The following FOCAD variants were observed in gnomAD, a reference collection of about 807,000 sequenced individuals.
FOCAD encodes the protein KIAA1797.
Under a neutral mutation model 225.6 loss-of-function variants are expected in FOCAD, and 198 were observed. The observed-to-expected ratio is 0.88, with a 90% CI of 0.78 to 0.99. The LOEUF (loss-of-function observed/expected upper bound fraction) is 0.99. Among genes scored for constraint, FOCAD ranks in the 50% least tolerant of loss-of-function variants. The pLI, the probability that FOCAD is intolerant of heterozygous loss-of-function variation, is 0.00. For synonymous variants in FOCAD, 897 were observed against 755.0 expected, an observed-to-expected ratio of 1.19 and a Z score of -3.08; for missense variants, 2,713 against 2,123.6, an observed-to-expected ratio of 1.28 and a Z score of -5.46.
At chr9:20,887,267 C>T (rs1831176771) in intron 21 of FOCAD, among the ~76,000 whole-genome samples, 1 of 151,448 alleles carries the variant, frequency 6.6e-6, no homozygotes, top group African/African-American at 2.4e-5. Context: ...TGAAGTCTCA[C>T]TCTGCTGTCC....
chr9:20,882,477 A>G (rs986343219), intron 20 of FOCAD, among the ~76,000 whole-genome samples: 1 of 152,242 alleles, frequency 6.6e-6, no homozygotes, highest in African/African-American at 2.4e-5. Context: ...GCAAAGTGAA[A>G]TCCCTTTTAG....
chr9:20,811,251 C>T (rs1202602516), intron 11 of FOCAD, among the ~76,000 whole-genome samples: 1 of 151,992 alleles, frequency 6.6e-6, no homozygotes, highest in Non-Finnish European at 1.5e-5. Flanking sequence ...GTGGCAAGTA[C>T]ATGGGTTTTA....
chr9:20,661,107 A>C (rs1821704847), intron 2 of FOCAD, among the ~76,000 whole-genome samples: 1 of 152,206 alleles, frequency 6.6e-6, no homozygotes, highest in South Asian at 2.1e-4. Context: ...GAGGCTGTGG[A>C]GATGTTTGGC....
At chr9:20,679,121 A>ATGTGTATGTGTGTGTG (rs1822321462) in intron 2 of FOCAD, among the ~76,000 whole-genome samples, 1 of 121,942 alleles carries the variant, frequency 8.2e-6, no homozygotes, top group Non-Finnish European at 1.7e-5. Flanking sequence ...CAGTCTGTGT[A>ATGTGTATGTGTGTGTG]TGTGTGTGTG....
At chr9:20,753,095 T>A (rs933737268) in intron 5 of FOCAD, among the ~76,000 whole-genome samples, 5 of 152,202 alleles carry the variant, frequency 3.3e-5, no homozygotes, top group Non-Finnish European at 7.3e-5. Flanking sequence ...TACAATCATG[T>A]TGTCTGCAAA....
chr9:20,674,823 A>G (rs996279006), intron 2 of FOCAD, among the ~76,000 whole-genome samples: 7 of 152,220 alleles, frequency 4.6e-5, no homozygotes, highest in Non-Finnish European at 7.3e-5. Flanking sequence ...CTTCTGCCCC[A>G]TGGTTATAAG....
Position 20,951,115 on chromosome 9 carries a change from A to G in FOCAD, c.4051+17A>G. 2 of 1,590,646 alleles carry G rather than the reference A, an allele frequency of 1.3e-6. No individual in the cohort carries two copies. Among genetic ancestry groups the G allele is most frequent in the Non-Finnish European group, 1.7e-6 (2 of 1,158,866 alleles). ...GAGCCTCTGGTAAGATTAAAGTCATAAAATACTGGAGCTGGAAGGGAGGGA... is the reference window on the plus strand; with the variant it reads ...GAGCCTCTGGTAAGATTAAAGTCATGAAATACTGGAGCTGGAAGGGAGGGA... On this transcript the variant is annotated intron_variant, in intron 34 of 43. Transcript: ENST00000338382.
rs1348622253 is a variant in FOCAD at position 20,865,973 on chromosome 9, C to T, written c.2103C>T (p.Asn701=). The T allele has an allele frequency of 1.2e-6, 2 of 1,606,754 alleles. No homozygotes were observed. Among genetic ancestry groups the T allele is most frequent in the Non-Finnish European group, 1.7e-6 (2 of 1,176,650 alleles). The change falls in exon 17 of 44, where the codon AAC becomes AAT. Residue 701 remains asparagine, a synonymous_variant. Transcript: ENST00000338382. ...GCTTCCTCTGGACTCATACTCAAAACAAGGTACTATCACAAGGCTTGTCAG... is the reference window on the plus strand; with the variant it reads ...GCTTCCTCTGGACTCATACTCAAAATAAGGTACTATCACAAGGCTTGTCAG... The part of the protein sequence containing the change: ...VLSFLWTHTQ[N]KDPIVANAAY...
chr9:20,818,284 T>C (rs964475491), intron 11 of FOCAD, among the ~76,000 whole-genome samples: 4 of 152,128 alleles, frequency 2.6e-5, no homozygotes, highest in Admixed American at 1.3e-4. Flanking sequence ...AATCTCTTAT[T>C]AGCTATATGG....
At chr9:20,951,740 A>T (rs766159081) in intron 34 of FOCAD, among the ~76,000 whole-genome samples, 5 of 152,190 alleles carry the variant, frequency 3.3e-5, no homozygotes, top group Non-Finnish European at 7.4e-5. Flanking sequence ...CAGTCCCGAC[A>T]TGCTTAATGT....
At chr9:20,945,268 A>G (rs574160696) in intron 29 of FOCAD, among the ~76,000 whole-genome samples, 17 of 152,318 alleles carry the variant, frequency 1.1e-4, no homozygotes, top group Admixed American at 5.2e-4. Context: ...GCAGAATTGG[A>G]GTTCATGTGA....
At chr9:20,920,045 A>G (rs1834249366) in intron 24 of FOCAD, among the ~76,000 whole-genome samples, 1 of 152,106 alleles carries the variant, frequency 6.6e-6, no homozygotes, top group Non-Finnish European at 1.5e-5. Context: ...ATGGGAGAAA[A>G]TTTTCTCAAC....
At chr9:20,771,603 A>G (rs1195299386) in intron 8 of FOCAD, among the ~76,000 whole-genome samples, 2 of 152,196 alleles carry the variant, frequency 1.3e-5, no homozygotes, top group Non-Finnish European at 2.9e-5. Context: ...TACTAAAAAT[A>G]CAAAAAATTA....
intron 3 of FOCAD, among the ~76,000 whole-genome samples, chr9:20,719,563 C>G (rs1265471063): frequency 6.6e-6 from 1 of 151,842 alleles, no homozygotes; most frequent in Non-Finnish European, 1.5e-5. Flanking sequence ...GCAATATAGT[C>G]ATATAGGTTT....
chr9:20,890,208 T>C (rs1023740374), intron 21 of FOCAD, among the ~76,000 whole-genome samples: 11 of 152,018 alleles, frequency 7.2e-5, no homozygotes, highest in African/African-American at 2.7e-4. Flanking sequence ...AGGGCCATCA[T>C]TACAGTGTTG....
chr9:20,982,518 G>T, intron 39 of FOCAD, 72 bp downstream of exon 39: 1 of 1,267,530 alleles, frequency 7.9e-7, no homozygotes. Context: ...TGATTTCAGT[G>T]TTTGGCTGAA....
At chr9:20,823,256 C>A in intron 15 of FOCAD, 141 bp downstream of exon 15, 1 of 900,064 alleles carries the variant, frequency 1.1e-6, no homozygotes, top group Non-Finnish European at 1.6e-6. Flanking sequence ...AAAAGTGAAG[C>A]AAGACCTACT....
intron 1 of FOCAD, among the ~76,000 whole-genome samples, chr9:20,705,725 G>GA (rs924863199): frequency 1.3e-4 from 19 of 145,804 alleles, no homozygotes; most frequent in Admixed American, 3.4e-4. Flanking sequence ...TATAATATTG[G>GA]AAAAAAAAAA....
At chr9:20,888,305 AT>A (rs1372178576) in intron 21 of FOCAD, among the ~76,000 whole-genome samples, 1 of 151,500 alleles carries the variant, frequency 6.6e-6, no homozygotes, top group Non-Finnish European at 1.5e-5. Flanking sequence ...TGCCCGGCTA[AT>A]TTTTGTATTT....
Sources: gnomAD v4.1 joint callset for allele counts (sites outside exome capture counted in the v4.1 genomes callset) on GRCh38, gnomAD v4.1.1 for gene constraint, MANE v1.5 for transcripts, NCBI Gene and HGNC (gene_info 2026-07-23, HGNC 2026-07-21) for gene names.